Variants in HIVEP1 observed in about 807,000 individuals in gnomAD.
HIVEP1 encodes the protein HIVEP zinc finger 1.
HIVEP1 carries 36 observed loss-of-function variants against 180.0 expected under a neutral mutation model. The ratio of observed to expected loss-of-function variants is 0.20; its 90% CI spans 0.15 to 0.26. The LOEUF (loss-of-function observed/expected upper bound fraction) is 0.26. Among genes scored for constraint, HIVEP1 ranks in the 10% least tolerant of loss-of-function variants. The probability of loss-of-function intolerance (pLI) is 1.00; values close to 1 mark genes in which losing one functional copy is unlikely to be tolerated. For missense variants in HIVEP1, 3,143 were observed against 3,268.7 expected (o/e 0.96, Z 0.94); for synonymous variants, 1,239 against 1,239.0 (o/e 1.00, Z 0.00).
At chr6:12,108,468 C>T (rs952944248) in intron 3 of HIVEP1, among the ~76,000 whole-genome samples, 4 of 152,312 alleles carry the variant, frequency 2.6e-5, no homozygotes, top group South Asian at 4.1e-4. Flanking sequence ...GCTTGGGCTG[C>T]GCAGGAGCCC....
chr6:12,019,839 G>A (rs1182468273), intron 2 of HIVEP1, among the ~76,000 whole-genome samples: 1 of 152,142 alleles, frequency 6.6e-6, no homozygotes, highest in African/African-American at 2.4e-5. Context: ...GTATCTTTCA[G>A]GAATGTGAAT....
the HIVEP1 span, among the ~76,000 whole-genome samples, chr6:12,192,647 A>C: frequency 1.3e-5 from 2 of 152,118 alleles, no homozygotes; most frequent in Admixed American, 6.5e-5. Context: ...CGCCATGTGA[A>C]GACGCGCTTG....
At chr6:12,172,768 G>C in the HIVEP1 span, among the ~76,000 whole-genome samples, 502 of 151,184 alleles carry the variant, frequency 3.3e-3, 1 homozygote, top group Middle Eastern at 0.01. Context: ...AAGTAGTGAG[G>C]CTGGGAGTTA....
At chr6:12,010,436 T>A (rs980145626), upstream of HIVEP1, among the ~76,000 whole-genome samples, 82 of 152,318 alleles carry the variant, frequency 5.4e-4, 1 homozygote, top group African/African-American at 1.9e-3. Flanking sequence ...TACGATTTCC[T>A]CAGGGGAATT....
At chr6:12,028,926 A>T (rs1382398368) in intron 2 of HIVEP1, among the ~76,000 whole-genome samples, 1 of 152,168 alleles carries the variant, frequency 6.6e-6, no homozygotes, top group Admixed American at 6.5e-5. Context: ...ACATTTGCCT[A>T]TTCTGGACAT....
At chr6:12,061,529 T>C (rs936215501) in intron 2 of HIVEP1, among the ~76,000 whole-genome samples, 9 of 152,180 alleles carry the variant, frequency 5.9e-5, no homozygotes, top group African/African-American at 2.2e-4. Flanking sequence ...AAGATTTTTT[T>C]CTGCATAAAA....
chr6:12,156,379 A>G (rs1052836717), intron 7 of HIVEP1, among the ~76,000 whole-genome samples: 5 of 152,154 alleles, frequency 3.3e-5, no homozygotes, highest in African/African-American at 1.2e-4. Flanking sequence ...TTTACATTTA[A>G]GTCTTTAATC....
At position 12,120,665 on chromosome 6, in the gene HIVEP1, T is replaced by C. The variant is rs1775516099; in HGVS notation, c.870T>C (p.Phe290=). 1.9e-6 allele frequency: 3 copies of C among 1,614,096 alleles called. No homozygotes were observed. The African/African-American group carries it at 4.0e-5, about 22-fold the overall frequency. Residue 290 remains phenylalanine, a synonymous_variant, in exon 4 of 9, where the codon TTT becomes TTC. Coordinates refer to ENST00000379388, the MANE Select transcript of HIVEP1 (RefSeq NM_002114.4). ...ASHLYHQHEH[F]VPKSNQHNQQ... Reference sequence around the variant, plus strand: ...ATTTGTATCATCAACATGAACACTTTGTTCCCAAATCCAACCAACATAATC... The same window carrying C: ...ATTTGTATCATCAACATGAACACTTCGTTCCCAAATCCAACCAACATAATC...
At chr6:12,151,648 G>A (rs1319660431) in intron 7 of HIVEP1, among the ~76,000 whole-genome samples, 2 of 152,196 alleles carry the variant, frequency 1.3e-5, no homozygotes, top group Non-Finnish European at 2.9e-5. Context: ...CCTGGAGGGT[G>A]ATGTGGCATA....
At chr6:12,209,200 T>C in the HIVEP1 span, among the ~76,000 whole-genome samples, 1 of 152,160 alleles carries the variant, frequency 6.6e-6, no homozygotes, top group Non-Finnish European at 1.5e-5. Context: ...GGTTTTAAAA[T>C]TTTTCTCTAT....
At chr6:12,055,036 A>G (rs1770768857) in intron 2 of HIVEP1, among the ~76,000 whole-genome samples, 1 of 152,244 alleles carries the variant, frequency 6.6e-6, no homozygotes, top group African/African-American at 2.4e-5. Context: ...CTGCTCTTGT[A>G]GAGTTTACTG....
rs142639347 is a variant in HIVEP1, at chr6:12,089,261, T to C, written c.94+24T>C. Reference sequence around the variant, plus strand: ...AGGTAAATTAAAATCAGCTTGAATGTAAACTTTATTCTTGCAATGATGCCT... The same window carrying C: ...AGGTAAATTAAAATCAGCTTGAATGCAAACTTTATTCTTGCAATGATGCCT... On this transcript the variant is annotated intron_variant, in intron 3 of 8. Coordinates refer to ENST00000379388, the MANE Select transcript of HIVEP1 (RefSeq NM_002114.4). The C allele has an allele frequency of 5.0e-4, 701 of 1,409,304 alleles. 10 individuals are homozygous for C. The South Asian group carries it at 6.9e-3, about 14-fold the overall frequency. 87.3% of individuals were successfully genotyped at this position (1,409,304 alleles called of 1,614,324 possible).
At chr6:12,082,223 A>G (rs968985583) in intron 2 of HIVEP1, among the ~76,000 whole-genome samples, 1 of 152,134 alleles carries the variant, frequency 6.6e-6, no homozygotes, top group Non-Finnish European at 1.5e-5. Context: ...TTCCTGGAGT[A>G]TCTGATTCAG....
chr6:12,170,172 G>A, the HIVEP1 span, among the ~76,000 whole-genome samples: 2 of 152,024 alleles, frequency 1.3e-5, no homozygotes, highest in African/African-American at 4.8e-5. Flanking sequence ...ATTAAATGAT[G>A]CCTGTCCTTC....
At position 12,121,823 on chromosome 6, in the gene HIVEP1, T is replaced by C. The variant is rs1470463019; in HGVS notation, c.2028T>C (p.Phe676=). ...RSLGSTDSGY[F]SRSESADQTV... is the part of the protein sequence containing the mutation. The stretch of plus-strand genomic sequence containing the variant: ...TAGGAAGTACGGATTCTGGTTACTT[T>C]TCACGTTCTGAAAGTGCCGATCAAA... The change falls in exon 4 of 9, where the codon TTT becomes TTC. Residue 676 remains phenylalanine, a synonymous_variant. Coordinates refer to ENST00000379388, the MANE Select transcript of HIVEP1 (RefSeq NM_002114.4). The surrounding 1 kb of genome is among the most constrained non-coding windows in gnomAD (Gnocchi z 5.3). 3.1e-6 allele frequency: 5 copies of C among 1,614,052 alleles called. No homozygotes were observed. Among genetic ancestry groups the C allele is most frequent in the African/African-American group, 2.7e-5 (2 of 74,912 alleles).
intron 2 of HIVEP1, chr6:12,020,388 C>T (rs1355080636): frequency 6.4e-6 from 3 of 471,034 alleles, no homozygotes; most frequent in Non-Finnish European, 1.3e-5. Flanking sequence ...GGTCACTGGA[C>T]TGCACGGGGT....
In HIVEP1 at chr6:12,123,912, T is replaced by G. The variant is rs1757878670; in HGVS notation, c.4117T>G (p.Cys1373Gly). 6.2e-7 allele frequency: 1 copy of G among 1,614,164 alleles called. No homozygotes were observed. The change falls in exon 4 of 9, where the codon TGC (cysteine) becomes GGC (glycine). Residue 1373 changes from cysteine (C) to glycine (G), a missense_variant. Cys to Gly is a radical substitution (Grantham distance 159). Coordinates refer to ENST00000379388, the MANE Select transcript of HIVEP1 (RefSeq NM_002114.4). ...GCGTACTGCATCAGAACAGATTAAT[T>G]GCACGCAAACGTCAATGGAGGTCTC... ...MRRTASEQIN[C>G]TQTSMEVSDL...
the HIVEP1 span, among the ~76,000 whole-genome samples, chr6:12,186,940 A>G: frequency 1.3e-5 from 2 of 152,146 alleles, no homozygotes; most frequent in African/African-American, 4.8e-5. Flanking sequence ...AACTATATAA[A>G]TTAAATACAT....
intron 2 of HIVEP1, among the ~76,000 whole-genome samples, chr6:12,029,674 C>T (rs2113635627): frequency 6.6e-6 from 1 of 152,214 alleles, no homozygotes; most frequent in East Asian, 1.9e-4. Context: ...ACTAACTGAA[C>T]TCTGGTAAAA....
Sources: gnomAD v4.1 joint callset for allele counts (sites outside exome capture counted in the v4.1 genomes callset) on GRCh38, gnomAD v4.1.1 for gene constraint, Gnocchi (gnomAD v3.1) non-coding constraint, MANE v1.5 for transcripts, NCBI Gene and HGNC (gene_info 2026-07-23, HGNC 2026-07-21) for gene names.